CD99: variants seen among roughly 807,000 people sequenced by gnomAD.
CD99 encodes CD99 antigen.
Under a neutral mutation model 28.4 loss-of-function variants are expected in CD99, and 19 were observed. The ratio of observed to expected loss-of-function variants is 0.67; its 90% CI spans 0.47 to 0.98. The LOEUF is 0.98. CD99 is among the 50% of genes least tolerant of loss of function. The pLI, the probability that CD99 is intolerant of heterozygous loss-of-function variation, is 0.00. For missense variants in CD99, 283 were observed against 248.8 expected (o/e 1.14, Z -0.92); for synonymous variants, 103 against 92.1 (o/e 1.12, Z -0.67).
intron 7 of CD99, 59 bp downstream of exon 7, chrX:2,723,423 C>A: frequency 6.3e-7 from 1 of 1,583,774 alleles, no homozygotes; most frequent in Non-Finnish European, 8.7e-7. Flanking sequence ...GAAGGGGAAG[C>A]AGAATGTCTG....
chrX:2,704,903 C>T (rs189411562), intron 1 of CD99, among the ~76,000 whole-genome samples: 119 of 152,184 alleles, frequency 7.8e-4, no homozygotes, highest in Non-Finnish European at 1.3e-3. Flanking sequence ...TTTGTAGAGA[C>T]GGGGTTTCAT....
intron 6 of CD99, among the ~76,000 whole-genome samples, chrX:2,723,082 T>G (rs2049079745): frequency 6.6e-6 from 1 of 152,214 alleles, no homozygotes; most frequent in Non-Finnish European, 1.5e-5. Flanking sequence ...TGATAATGCC[T>G]GGGAGTATGC....
At chrX:2,737,870 T>C in intron 8 of CD99, 1 of 484,520 alleles carries the variant, frequency 2.1e-6, no homozygotes, top group Non-Finnish European at 3.8e-6. Context: ...GTACTTTTTT[T>C]TTTTTTATAG....
intron 1 of CD99, among the ~76,000 whole-genome samples, chrX:2,705,044 C>CA (rs1469523297): frequency 2.0e-5 from 3 of 152,196 alleles, no homozygotes; most frequent in African/African-American, 7.2e-5. Context: ...GCTAAGAAGA[C>CA]AGAGAGACGA....
chrX:2,737,129 A>G (rs2049984450), intron 8 of CD99, among the ~76,000 whole-genome samples: 1 of 152,062 alleles, frequency 6.6e-6, no homozygotes, highest in Non-Finnish European at 1.5e-5. Flanking sequence ...CCCTTTCCCT[A>G]GGTACTGAAA....
Position 2,699,143 on chromosome X carries a change from C to T in CD99, c.67+7716C>T, listed in dbSNP as rs758370879. On this transcript the variant is annotated intron_variant, in intron 1 of 9. Coordinates refer to ENST00000381192, the MANE Select transcript of CD99 (RefSeq NM_002414.5). ...CTTTTCTTTCCTCTTCTTTTCTTTT[C>T]TTTTGTTTTCTCTTCTCTCTTTTCT... 2.0e-5 allele frequency among the ~76,000 whole-genome samples: 3 copies of T among 150,686 alleles called. No homozygotes were observed. In the East Asian group the frequency reaches 5.8e-4, roughly 29 times the overall value.
intron 8 of CD99, 47 bp downstream of exon 8, chrX:2,726,420 G>GAA: frequency 8.3e-7 from 1 of 1,211,376 alleles, no homozygotes; most frequent in East Asian, 2.3e-5. Context: ...TTGCTGATTG[G>GAA]AAAACTGTGC....
chrX:2,723,199 A>G, intron 6 of CD99, 115 bp from the exon 7 acceptor site: 1 of 1,031,770 alleles, frequency 9.7e-7, no homozygotes, highest in Non-Finnish European at 1.5e-6. Context: ...GTAGCTGGGT[A>G]ACATGTACCC....
intron 2 of CD99, among the ~76,000 whole-genome samples, chrX:2,716,064 G>C (rs1211229037): frequency 6.7e-6 from 1 of 150,330 alleles, no homozygotes; most frequent in East Asian, 2.0e-4. Context: ...TGTCACCCAG[G>C]CTGGAGTGCA....
chrX:2,736,793 G>A (rs1167405603), intron 8 of CD99, among the ~76,000 whole-genome samples: 1 of 151,878 alleles, frequency 6.6e-6, no homozygotes, highest in Non-Finnish European at 1.5e-5. Context: ...GGAGGCGGAG[G>A]TTGCAGTGAG....
intron 2 of CD99, among the ~76,000 whole-genome samples, chrX:2,715,869 G>A (rs1318579386): frequency 6.6e-6 from 1 of 152,130 alleles, no homozygotes; most frequent in Non-Finnish European, 1.5e-5. Context: ...AAGGGCACCA[G>A]TCATTAGGAC....
intron 2 of CD99, chrX:2,717,381 C>T (rs1339374343): frequency 1.8e-6 from 1 of 547,258 alleles, no homozygotes; most frequent in Non-Finnish European, 3.3e-6. Context: ...AGAAGGGGCT[C>T]CTGGTCTCTG....
intron 8 of CD99, among the ~76,000 whole-genome samples, chrX:2,732,168 C>G (rs1229246477): frequency 6.6e-6 from 1 of 152,000 alleles, no homozygotes; most frequent in Admixed American, 6.6e-5. Flanking sequence ...CCATGTGATA[C>G]GAAGGGGCCT....
chrX:2,726,815 C>A (rs1429095137), intron 8 of CD99, among the ~76,000 whole-genome samples: 2 of 141,690 alleles, frequency 1.4e-5, no homozygotes, highest in Non-Finnish European at 2.9e-5. Context: ...CCGCCACGGT[C>A]CTTTCTCCAC....
chrX:2,700,708 A>C (rs1226410099), intron 1 of CD99, among the ~76,000 whole-genome samples: 1 of 151,598 alleles, frequency 6.6e-6, no homozygotes, highest in Non-Finnish European at 1.5e-5. Flanking sequence ...GCCACTCATC[A>C]ATTGATACAT....
intron 1 of CD99, among the ~76,000 whole-genome samples, chrX:2,700,303 C>T (rs1227228276): frequency 6.6e-6 from 1 of 152,176 alleles, no homozygotes; most frequent in African/African-American, 2.4e-5. Context: ...ACTGAGGCCT[C>T]TCCAGCTCCT....
intron 1 of CD99, among the ~76,000 whole-genome samples, chrX:2,705,564 C>T (rs1362496764): frequency 6.6e-6 from 1 of 152,224 alleles, no homozygotes; most frequent in Middle Eastern, 3.4e-3. Context: ...ATATGCATGA[C>T]CTCACAGACT....
intron 1 of CD99, among the ~76,000 whole-genome samples, chrX:2,709,826 G>T (rs1201947444): frequency 6.6e-6 from 1 of 152,088 alleles, no homozygotes; most frequent in Non-Finnish European, 1.5e-5. Flanking sequence ...ATGAAGAGCT[G>T]TTGAATGCAG....
chrX:2,708,679 G>C (rs2048237792), intron 1 of CD99, among the ~76,000 whole-genome samples: 1 of 152,224 alleles, frequency 6.6e-6, no homozygotes, highest in African/African-American at 2.4e-5. Flanking sequence ...TAAGGGCAGA[G>C]GGTGGGAGAA....
Sources: allele counts gnomAD v4.1 joint callset (sites outside exome capture counted in the v4.1 genomes callset), GRCh38; gene constraint gnomAD v4.1.1; transcripts MANE v1.5; gene names NCBI Gene and HGNC (gene_info 2026-07-23, HGNC 2026-07-21).